The following TGM6 variants were observed in gnomAD, a reference collection of about 807,000 sequenced individuals.
TGM6 encodes the protein transglutaminase 6.
A neutral mutation model predicts 77.5 loss-of-function variants in TGM6; 74 were observed. The observed-to-expected ratio is 0.96, with a 90% CI of 0.79 to 1.16. The LOEUF (loss-of-function observed/expected upper bound fraction) is 1.16, where lower values mean the gene tolerates loss of function less well. Ranked by LOEUF, TGM6 falls within the 50% of genes most tolerant of loss-of-function variation. TGM6 has a pLI of 0.00. For synonymous variants in TGM6, 383 were observed against 378.9 expected, an observed-to-expected ratio of 1.01 and a Z score of -0.12; for missense variants, 968 against 940.2, an observed-to-expected ratio of 1.03 and a Z score of -0.39.
chr20:2,395,571 T>G, intron 3 of TGM6, 135 bp downstream of exon 3: 1 of 1,484,036 alleles, frequency 6.7e-7, no homozygotes, highest in Non-Finnish European at 9.3e-7. Context: ...GAACTTAGCC[T>G]AGGCAGAGGT....
At chr20:2,432,278 C>A (rs1242575598) in intron 12 of TGM6, among the ~76,000 whole-genome samples, 3 of 152,108 alleles carry the variant, frequency 2.0e-5, no homozygotes, top group Non-Finnish European at 4.4e-5. Flanking sequence ...GAACTCCTGA[C>A]CTCAGATGAT....
In TGM6 at chr20:2,425,829, TA is replaced by T. The variant is rs1369730301; in HGVS notation, c.1679-4616del. Among the ~76,000 whole-genome samples, 5 of 152,226 alleles carry T rather than the reference TA, an allele frequency of 3.3e-5. No homozygotes were observed. The South Asian group carries it at 6.2e-4, about 19-fold the overall frequency. On this transcript the variant is annotated intron_variant, in intron 10 of 12. Transcript: ENST00000202625. ...AGGGTAATTGGGATATCCATCACCT[TA>T]TACATTTATCTGTATCTTTTCTTCG... is the stretch of plus-strand genomic sequence containing the variant.
At chr20:2,419,163 G>GTC (rs1213856098) in intron 10 of TGM6, among the ~76,000 whole-genome samples, 2 of 152,140 alleles carry the variant, frequency 1.3e-5, no homozygotes, top group East Asian at 1.9e-4. Flanking sequence ...CTCCTTCCCT[G>GTC]TCTGTCTCTC....
chr20:2,387,275 C>G (rs1950947012), intron 1 of TGM6, among the ~76,000 whole-genome samples: 1 of 152,198 alleles, frequency 6.6e-6, no homozygotes, highest in Non-Finnish European at 1.5e-5. Context: ...AGGTTTGTGC[C>G]TGCCCTAGAA....
chr20:2,417,213 GT>G lies in TGM6; in HGVS notation c.1337-17del. ...GAGCAAGGGGGTGCCTGCCGCTGAC[GT>G]TGTGTGATGCCCTGCAGGGTCCCGG... On this transcript the variant is annotated intron_variant, in intron 9 of 12. Transcript: ENST00000202625. 6.3e-7 allele frequency: 1 copy of G among 1,579,924 alleles called. No homozygotes were observed. Among genetic ancestry groups the G allele is most frequent in the South Asian group, 1.2e-5 (1 of 86,624 alleles).
chr20:2,430,015 A>C (rs2084913974), intron 10 of TGM6, among the ~76,000 whole-genome samples: 1 of 152,176 alleles, frequency 6.6e-6, no homozygotes, highest in South Asian at 2.1e-4. Context: ...CAGGATTGGA[A>C]GATTGAGGCA....
chr20:2,410,745 G>A (rs1412775853), intron 9 of TGM6, among the ~76,000 whole-genome samples: 2 of 152,114 alleles, frequency 1.3e-5, no homozygotes, highest in East Asian at 1.9e-4. Context: ...TGGAGAACTG[G>A]TTGTTATGAG....
chr20:2,403,715 C>T lies in TGM6; in HGVS notation c.1228C>T (p.Arg410Trp), dbSNP rs1165466326. 34 of 1,614,150 alleles carry T rather than the reference C, an allele frequency of 2.1e-5. No homozygotes were observed. Among genetic ancestry groups the T allele is most frequent in the East Asian group, 4.5e-5 (2 of 44,878 alleles). The change falls in exon 9 of 13, where the codon CGG becomes TGG. Residue 410 changes from arginine to tryptophan, a missense_variant. Physicochemically the swap from Arg to Trp is moderately radical, Grantham distance 101 (BLOSUM62 -3). Coordinates refer to ENST00000202625, the MANE Select transcript of TGM6 (RefSeq NM_198994.3). ...CTGGCTGTGGCACGAGGATGAGAGCCGGGAGCGTGTATACTCAAACACGAA... is the reference window on the plus strand; with the variant it reads ...CTGGCTGTGGCACGAGGATGAGAGCTGGGAGCGTGTATACTCAAACACGAA... Reference protein sequence around the residue: ...ITWLWHEDESRERVYSNTKKI... With the variant: ...ITWLWHEDESWERVYSNTKKI...
chr20:2,397,919 T>C lies in TGM6; in HGVS notation c.545T>C (p.Phe182Ser), dbSNP rs1050977939. Residue 182 changes from phenylalanine (F) to serine (S), a missense_variant and splice_region_variant, in exon 5 of 13, where the codon TTT (phenylalanine) becomes TCT (serine). Phe to Ser is a radical substitution (Grantham distance 155). Coordinates refer to ENST00000202625, the MANE Select transcript of TGM6 (RefSeq NM_198994.3). ...IRAQGWNYGQ[F>S]EEDILNICLS... is the part of the protein sequence containing the mutation. ...AAGCACAGCCTCTCTGGGGAGCAGT[T>C]TGAGGAGGACATCCTGAACATCTGC... The C allele has an allele frequency of 1.5e-5, 25 of 1,613,976 alleles. No homozygotes were observed. The highest frequency in any genetic ancestry group is 1.9e-5 in the Non-Finnish European group (23 of 1,179,994).
rs142093873 is a variant in TGM6 at position 2,432,196 on chromosome 20, G to A, written c.1968-294G>A. Among the ~76,000 whole-genome samples, 384 of 152,138 alleles carry A rather than the reference G, an allele frequency of 2.5e-3. 1 individual carries two copies. Among genetic ancestry groups the A allele is most frequent in the African/African-American group, 8.6e-3 (359 of 41,506 alleles). ...CCTGAGTAGCTGGGATTACAGGTGTGCACCACTGCACCCGGCTAATTTTTG... is the reference window on the plus strand; with the variant it reads ...CCTGAGTAGCTGGGATTACAGGTGTACACCACTGCACCCGGCTAATTTTTG... On this transcript the variant is annotated intron_variant, in intron 12 of 12. Transcript: ENST00000202625.
At position 2,396,622 on chromosome 20, in the gene TGM6, C is replaced by T. The variant is rs767291936; in HGVS notation, c.541C>T (p.Gln181Ter). The T allele has an allele frequency of 1.2e-6, 2 of 1,613,980 alleles. No homozygotes were observed. The highest frequency in any genetic ancestry group is 1.7e-5 in the Admixed American group (1 of 59,992). The change falls in exon 4 of 13, where the codon CAG becomes TAG. Residue 181 changes from glutamine to a stop codon, truncating the protein, a stop_gained and splice_region_variant. Coordinates refer to ENST00000202625, the MANE Select transcript of TGM6 (RefSeq NM_198994.3). LOFTEE classifies it high-confidence loss of function. Reference protein sequence around the residue: ...HIRAQGWNYGQFEEDILNICL... With the variant: ...HIRAQGWNYG ...ACGAGCCCAGGGCTGGAACTACGGG[C>T]AGGTCTCCAGGGGCACAGGCCAGAC...
At position 2,397,255 on chromosome 20, in the gene TGM6, C is replaced by T. The variant is rs1014000630; in HGVS notation, c.543+631C>T. 2.2e-4 allele frequency among the ~76,000 whole-genome samples: 34 copies of T among 152,146 alleles called. 1 individual carries two copies. Among genetic ancestry groups the T allele is most frequent in the African/African-American group, 2.4e-5 (1 of 41,426 alleles). ...AGGCAGAGGGAAGAGCAGGCAGAGC[C>T]GCACGGACGTGGGAAGTAGGGAGTC... On this transcript the variant is annotated intron_variant, in intron 4 of 12. Coordinates refer to ENST00000202625, the MANE Select transcript of TGM6 (RefSeq NM_198994.3).
At chr20:2,413,687 A>G (rs923534631) in intron 9 of TGM6, among the ~76,000 whole-genome samples, 2 of 152,190 alleles carry the variant, frequency 1.3e-5, no homozygotes, top group African/African-American at 4.8e-5. Context: ...AAAAATTTTT[A>G]AAAAAGGGAA....
At chr20:2,389,784 CAAG>C (rs1460260219) in intron 1 of TGM6, among the ~76,000 whole-genome samples, 4 of 152,116 alleles carry the variant, frequency 2.6e-5, no homozygotes, top group African/African-American at 9.7e-5. Flanking sequence ...TGTAGTGAAT[CAAG>C]ACAAAAACAA....
chr20:2,386,117 G>A (rs1388818549), intron 1 of TGM6, among the ~76,000 whole-genome samples: 2 of 152,154 alleles, frequency 1.3e-5, no homozygotes, highest in African/African-American at 4.8e-5. Context: ...GTATACCTAG[G>A]AGCCTCTCCC....
rs564317843 is a variant in TGM6, at chr20:2,397,409, C to T, written c.544-509C>T. Among the ~76,000 whole-genome samples, 13 of 152,178 alleles carry T rather than the reference C, an allele frequency of 8.5e-5. No individual in the cohort carries two copies. The East Asian group carries it at 2.1e-3, about 25-fold the overall frequency. On this transcript the variant is annotated intron_variant, in intron 4 of 12. Transcript: ENST00000202625. ...CCAGGGGTTTAAAGGCTTTGGGATT[C>T]GGGTGCTGGGCAGGGAAGTTATAGT...
Position 2,391,819 on chromosome 20 carries a change from C to A in TGM6, c.8-2633C>A, listed in dbSNP as rs189103574. Among the ~76,000 whole-genome samples the A allele has an allele frequency of 5.3e-5, 8 of 152,282 alleles. No individual in the cohort carries two copies. The East Asian group carries it at 1.5e-3, about 29-fold the overall frequency. On this transcript the variant is annotated intron_variant, in intron 1 of 12. Coordinates refer to ENST00000202625, the MANE Select transcript of TGM6 (RefSeq NM_198994.3). ...AGGATAAAAGGCAGACTCTTCATCC[C>A]ACTCCAAGCATTGGTGGTCTGCCGA...
intron 10 of TGM6, among the ~76,000 whole-genome samples, chr20:2,421,707 AT>A (rs1408876693): frequency 6.6e-6 from 1 of 151,934 alleles, no homozygotes; most frequent in Non-Finnish European, 1.5e-5. Flanking sequence ...TTTTGCAAAC[AT>A]TTTCTCCCAG....
chr20:2,403,395 A>G lies in TGM6; in HGVS notation c.990-2A>G, dbSNP rs1568660678. On this transcript the variant is annotated splice_acceptor_variant, in intron 7 of 12. Coordinates refer to ENST00000202625, the MANE Select transcript of TGM6 (RefSeq NM_198994.3). LOFTEE classifies it high-confidence loss of function. ...GCTTCACCCATCCTCTCTCTGTGGC[A>G]GGAATTTCCATGTCTGGAATGAGAG... 6.2e-7 allele frequency: 1 copy of G among 1,614,034 alleles called. No homozygotes were observed. The highest frequency in any genetic ancestry group is 1.3e-5 in the African/African-American group (1 of 74,910).
Sources: allele counts gnomAD v4.1 joint callset (sites outside exome capture counted in the v4.1 genomes callset), GRCh38; gene constraint gnomAD v4.1.1; transcripts MANE v1.5; gene names NCBI Gene and HGNC (gene_info 2026-07-23, HGNC 2026-07-21).